The following PCDHGB2 variants were observed in gnomAD, a reference collection of about 807,000 sequenced individuals.
The protein encoded by PCDHGB2 is protocadherin gamma subfamily B, 2.
A neutral mutation model predicts 59.3 loss-of-function variants in PCDHGB2; 55 were observed. That is an observed-to-expected ratio of 0.93 (90% CI 0.75 to 1.16). The LOEUF is 1.16. Ranked by LOEUF, PCDHGB2 falls within the 50% of genes most tolerant of loss-of-function variation. PCDHGB2 has a pLI of 0.00. For missense variants in PCDHGB2, 1,228 were observed against 1,198.5 expected, an observed-to-expected ratio of 1.02 and a Z score of -0.36; for synonymous variants, 516 against 512.0, an observed-to-expected ratio of 1.01 and a Z score of -0.11.
chr5:141,501,299 AC>A (rs1446641380), intron 2 of PCDHGB2, among the ~76,000 whole-genome samples: 1 of 149,208 alleles, frequency 6.7e-6, no homozygotes, highest in African/African-American at 2.5e-5. Flanking sequence ...ATACACACAC[AC>A]ACACACACAC....
chr5:141,431,709 T>C lies in PCDHGB2; in HGVS notation c.2422-63098T>C. On this transcript the variant is annotated intron_variant, in intron 1 of 3. Coordinates refer to ENST00000522605, the MANE Select transcript of PCDHGB2 (RefSeq NM_018923.3). This position sits in a 1 kb window ranked among gnomAD's most constrained non-coding sequence, Gnocchi z 4.8. ...CACGAGGAGTCAGGATTCTACCAGA[T>C]GGAAGTGCAAGCAATGGATAATGCA... The C allele has an allele frequency of 6.2e-7, 1 of 1,614,168 alleles. No individual in the cohort carries two copies. Among genetic ancestry groups the C allele is most frequent in the Non-Finnish European group, 8.5e-7 (1 of 1,180,018 alleles).
At chr5:141,423,460 G>A in intron 1 of PCDHGB2, 1 of 1,614,046 alleles carries the variant, frequency 6.2e-7, no homozygotes, top group Non-Finnish European at 8.5e-7. Context: ...TGTAGGCGTG[G>A]ACGGGGTACA....
rs1562187768 is a variant in PCDHGB2, at chr5:141,499,029, A to AAGG, written c.2480+4165_2480+4166insGGA. 5.0e-3 allele frequency among the ~76,000 whole-genome samples: 706 copies of AAGG among 140,066 alleles called. 6 individuals carry two copies. Among genetic ancestry groups the AAGG allele is most frequent in the African/African-American group, 0.019 (683 of 36,064 alleles). The allele number at this position is 140,066 out of a possible 152,430, so 91.9% of individuals were successfully genotyped here. A position where few individuals can be genotyped will look rare whatever the true frequency, so the allele number is the denominator to read the frequency against. ...GGAAGGAAGGAAGGAAGGAAGGAAG[A>AAGG]AAAGAAAGAAAAAGGGAGAAAAAAT... On this transcript the variant is annotated intron_variant, in intron 2 of 3. Transcript: ENST00000522605.
chr5:141,374,302 G>A (rs769015747), intron 1 of PCDHGB2: 2 of 1,613,984 alleles, frequency 1.2e-6, no homozygotes, highest in Non-Finnish European at 1.7e-6. Flanking sequence ...GTAGGATGCA[G>A]CTTTTCTCTC....
chr5:141,409,561 C>T (rs1296401858), intron 1 of PCDHGB2: 4 of 1,613,986 alleles, frequency 2.5e-6, no homozygotes, highest in Non-Finnish European at 3.4e-6. Context: ...CAGTTTTCGA[C>T]CAGACGTCCT....
At chr5:141,405,140 G>A in intron 1 of PCDHGB2, 1 of 1,614,072 alleles carries the variant, frequency 6.2e-7, no homozygotes, top group Non-Finnish European at 8.5e-7. Flanking sequence ...GGCTACCAGT[G>A]ATGGGTTGGC....
chr5:141,504,315 A>G (rs573050088), intron 2 of PCDHGB2, among the ~76,000 whole-genome samples: 1 of 152,248 alleles, frequency 6.6e-6, no homozygotes, highest in East Asian at 1.9e-4. Flanking sequence ...AGTTTCTAAA[A>G]GTCTCACTTA....
intron 1 of PCDHGB2, chr5:141,423,157 G>T: frequency 1.9e-6 from 3 of 1,610,820 alleles, no homozygotes; most frequent in East Asian, 2.2e-5. Context: ...GCAGAGCCTC[G>T]TGGTGGCCGT....
chr5:141,419,851 C>T, intron 1 of PCDHGB2: 1 of 1,614,062 alleles, frequency 6.2e-7, no homozygotes, highest in Non-Finnish European at 8.5e-7. Context: ...ACCTGGTGTT[C>T]GCAGATAGCT....
intron 1 of PCDHGB2, chr5:141,405,444 G>C: frequency 7.2e-7 from 1 of 1,379,466 alleles, no homozygotes; most frequent in Non-Finnish European, 1.0e-6. Flanking sequence ...TTTTGAGACA[G>C]AGTCTTACTC....
chr5:141,369,104 T>C (rs571749140), intron 1 of PCDHGB2, among the ~76,000 whole-genome samples: 2 of 152,282 alleles, frequency 1.3e-5, no homozygotes, highest in South Asian at 2.1e-4. Context: ...GAAAATGGAA[T>C]TAAAACTGTA....
chr5:141,486,121 T>G lies in PCDHGB2; in HGVS notation c.2422-8686T>G. The G allele has an allele frequency of 6.2e-7, 1 of 1,614,204 alleles. No homozygotes were observed. Among genetic ancestry groups the G allele is most frequent in the Non-Finnish European group, 8.5e-7 (1 of 1,180,036 alleles). Reference sequence around the variant, plus strand: ...TAGACTTTGAGAGTGAGAATTACTATGAATTTGATGTGCGGGCTCGCGATG... The same window carrying G: ...TAGACTTTGAGAGTGAGAATTACTAGGAATTTGATGTGCGGGCTCGCGATG... On this transcript the variant is annotated intron_variant, in intron 1 of 3. Transcript: ENST00000522605. The surrounding 1 kb of genome is among the most constrained non-coding windows in gnomAD (Gnocchi z 5.0).
At chr5:141,396,764 T>C (rs1040059955) in intron 1 of PCDHGB2, 1 of 152,236 alleles carries the variant, frequency 6.6e-6, no homozygotes, top group Non-Finnish European at 1.5e-5. Context: ...CCAATAAATG[T>C]TTGTTATTAA....
chr5:141,438,631 TATATACACACAC>T (rs1290318462), intron 1 of PCDHGB2, among the ~76,000 whole-genome samples: 214 of 43,192 alleles, frequency 5.0e-3, no homozygotes, highest in Non-Finnish European at 6.1e-3. Flanking sequence ...TATATATATA[TATATACACACAC>T]ACACACACAT....
At chr5:141,418,940 C>G in intron 1 of PCDHGB2, 9 of 1,614,012 alleles carry the variant, frequency 5.6e-6, no homozygotes, top group Non-Finnish European at 6.8e-6. Context: ...GGAGGATTCC[C>G]CTCCAGGAGT....
At chr5:141,418,665 A>T in intron 1 of PCDHGB2, 1 of 1,614,070 alleles carries the variant, frequency 6.2e-7, no homozygotes, top group Non-Finnish European at 8.5e-7. Context: ...GCCACTGACC[A>T]GGACGAGGGC....
At chr5:141,420,073 G>A (rs2096463936) in intron 1 of PCDHGB2, 23 of 1,613,964 alleles carry the variant, frequency 1.4e-5, no homozygotes, top group Non-Finnish European at 1.9e-5. Context: ...CCGGACCTGT[G>A]GGTCCCCCCA....
rs762574320 is a variant in PCDHGB2, at chr5:141,485,926, G to A, written c.2422-8881G>A. The A allele has an allele frequency of 2.0e-5, 32 of 1,614,090 alleles. No individual in the cohort carries two copies. Among genetic ancestry groups the A allele is most frequent in the Admixed American group, 1.2e-4 (7 of 60,006 alleles). ...AGCAATCCAGCTACAGGATTAGTGT[G>A]TTGGAGAGCGCACCAGCGGGCATGG... On this transcript the variant is annotated intron_variant, in intron 1 of 3. Transcript: ENST00000522605. The surrounding 1 kb of genome is among the most constrained non-coding windows in gnomAD (Gnocchi z 5.7).
At chr5:141,376,280 G>A (rs1366103411) in intron 1 of PCDHGB2, 4 of 1,614,226 alleles carry the variant, frequency 2.5e-6, no homozygotes, top group Admixed American at 1.7e-5. Context: ...AGGTGGCTTA[G>A]CGAGCATGCC....
Sources: gnomAD v4.1 joint callset for allele counts (sites outside exome capture counted in the v4.1 genomes callset) on GRCh38, gnomAD v4.1.1 for gene constraint, Gnocchi (gnomAD v3.1) non-coding constraint, MANE v1.5 for transcripts, NCBI Gene and HGNC (gene_info 2026-07-23, HGNC 2026-07-21) for gene names.